Variants in FEM1C observed in about 807,000 individuals in gnomAD.
FEM1C encodes the protein fem-1 homolog C.
FEM1C carries 15 observed loss-of-function variants against 37.6 expected under a neutral mutation model. The observed-to-expected ratio is 0.40, with a 90% CI of 0.27 to 0.61. The LOEUF is 0.61. FEM1C is among the 20% of genes least tolerant of loss of function. FEM1C has a pLI of 0.42. For synonymous variants in FEM1C, 287 were observed against 272.8 expected (o/e 1.05, Z -0.51); for missense variants, 532 against 749.7 (o/e 0.71, Z 3.39).
At chr5:115,539,518 G>C (rs1754197024) in intron 2 of FEM1C, among the ~76,000 whole-genome samples, 1 of 152,040 alleles carries the variant, frequency 6.6e-6, no homozygotes, top group South Asian at 2.1e-4. Context: ...TTAAACTGAA[G>C]AGGTATTCCT....
chr5:115,538,581 T>C (rs1580384564), intron 2 of FEM1C, among the ~76,000 whole-genome samples: 1 of 152,088 alleles, frequency 6.6e-6, no homozygotes, highest in East Asian at 1.9e-4. Flanking sequence ...CACAGTGTTG[T>C]AGTAGAATGC....
At chr5:115,543,859 TAC>T (rs1754296385) in intron 1 of FEM1C, 176 bp from the exon 2 acceptor site, 2 of 983,126 alleles carry the variant, frequency 2.0e-6, no homozygotes, top group African/African-American at 1.8e-5. Flanking sequence ...TACAGAAGGA[TAC>T]ACAGAGACCC....
intron 2 of FEM1C, among the ~76,000 whole-genome samples, chr5:115,530,708 A>C (rs1753997416): frequency 6.6e-6 from 1 of 152,164 alleles, no homozygotes; most frequent in Non-Finnish European, 1.5e-5. Context: ...AGATATCCAA[A>C]ACAAAAAGAT....
At chr5:115,541,786 T>C (rs1561561131) in intron 2 of FEM1C, among the ~76,000 whole-genome samples, 1 of 151,986 alleles carries the variant, frequency 6.6e-6, no homozygotes. Flanking sequence ...TAAATAAAGA[T>C]AAAAAAGTAT....
At chr5:115,543,953 T>C in intron 1 of FEM1C, 1 of 985,388 alleles carries the variant, frequency 1.0e-6, no homozygotes, top group South Asian at 4.7e-5. Context: ...CCTCCAGCTC[T>C]AACCAGCCAA....
intron 2 of FEM1C, among the ~76,000 whole-genome samples, chr5:115,529,316 C>T (rs1753969955): frequency 6.6e-6 from 1 of 151,872 alleles, no homozygotes; most frequent in Non-Finnish European, 1.5e-5. Flanking sequence ...TGGAAGTTAC[C>T]TATAAAAGAG....
intron 2 of FEM1C, among the ~76,000 whole-genome samples, chr5:115,536,754 T>A (rs1345399562): frequency 1.3e-5 from 2 of 152,004 alleles, no homozygotes; most frequent in African/African-American, 2.4e-5. Context: ...CCTCCCTTCA[T>A]TAATTCTTTG....
At chr5:115,538,412 CAT>C (rs2127174086) in intron 2 of FEM1C, among the ~76,000 whole-genome samples, 1 of 152,132 alleles carries the variant, frequency 6.6e-6, no homozygotes, top group African/African-American at 2.4e-5. Flanking sequence ...GCCTATAAAA[CAT>C]AGTGCTTGCC....
In FEM1C at chr5:115,525,107, C is replaced by T. The variant is rs1753862274; in HGVS notation, c.1055G>A (p.Gly352Glu). The T allele has an allele frequency of 6.2e-7, 1 of 1,613,656 alleles. No homozygotes were observed. The highest frequency in any genetic ancestry group is 1.3e-5 in the African/African-American group (1 of 74,880). ...RYRGAVYADS[G>E]NFKRCINLWK... ...TAGGTTGATGCATCGTTTGAAATTT[C>T]CAGAGTCTGCATAGACAGCGCCTCT... Residue 352 changes from glycine (G) to glutamate (E), a missense_variant, in exon 3 of 3, where the codon GGA becomes GAA. Physicochemically the swap from Gly to Glu is moderately conservative, Grantham distance 98. Coordinates refer to ENST00000274457, the MANE Select transcript of FEM1C (RefSeq NM_020177.3).
chr5:115,521,921 T>A lies in FEM1C; in HGVS notation c.*2387A>T, dbSNP rs1753784429. The A allele has an allele frequency of 6.6e-6, 1 of 151,874 alleles. No homozygotes were observed. 9.4% of individuals were successfully genotyped at this position (151,874 alleles called of 1,614,324 possible). ...TTTCAAAACCTCCCAATGGCATTTG[T>A]GGAGATGGCAGAGAAGGGAGAAATG... is the stretch of plus-strand genomic sequence containing the variant. On this transcript the variant is annotated 3_prime_UTR_variant, in exon 3 of 3. Transcript: ENST00000274457.
chr5:115,544,755 G>A lies in FEM1C; in HGVS notation c.-423C>T, dbSNP rs556568974. The A allele has an allele frequency of 2.9e-3, 441 of 152,754 alleles. 2 individuals are homozygous for A. The highest frequency in any genetic ancestry group is 5.1e-3 in the Non-Finnish European group (346 of 68,344). The allele number at this position is 152,754 out of a possible 1,614,324, so 9.5% of individuals were successfully genotyped here. On this transcript the variant is annotated 5_prime_UTR_variant, in exon 1 of 3. Transcript: ENST00000274457. ...CGGCTCGGACTGCAGCGGCTGCAGC[G>A]ACTGCTGCGACGGATGGTGTAATGG...
At chr5:115,541,294 C>A (rs931066366) in intron 2 of FEM1C, among the ~76,000 whole-genome samples, 12 of 151,928 alleles carry the variant, frequency 7.9e-5, no homozygotes, top group African/African-American at 2.9e-4. Context: ...GAAGTATTAT[C>A]CCTGAGTACT....
Position 115,520,993 on chromosome 5 carries a change from T to C in FEM1C, c.*3315A>G, listed in dbSNP as rs1753760701. The C allele has an allele frequency of 6.7e-6, 1 of 149,818 alleles. No homozygotes were observed. The highest frequency in any genetic ancestry group is 2.1e-4 in the South Asian group (1 of 4,796). The allele number at this position is 149,818 out of a possible 1,614,324, so 9.3% of individuals were successfully genotyped here. A position where few individuals can be genotyped will look rare whatever the true frequency, so the allele number is the denominator to read the frequency against. On this transcript the variant is annotated 3_prime_UTR_variant, in exon 3 of 3. Coordinates refer to ENST00000274457, the MANE Select transcript of FEM1C (RefSeq NM_020177.3). Reference sequence around the variant, plus strand: ...TTGTGTGACAATTTATTAGCTGGCATCCGAATACAGTACTTCTTTTGAAAA... The same window carrying C: ...TTGTGTGACAATTTATTAGCTGGCACCCGAATACAGTACTTCTTTTGAAAA...
At position 115,525,612 on chromosome 5, in the gene FEM1C, T is replaced by A; in HGVS notation, c.550A>T (p.Thr184Ser). 1 of 1,610,984 alleles carries A rather than the reference T, an allele frequency of 6.2e-7. No individual in the cohort carries two copies. Among genetic ancestry groups the A allele is most frequent in the Non-Finnish European group, 8.5e-7 (1 of 1,178,340 alleles). Residue 184 changes from threonine (T) to serine (S), a missense_variant, in exon 3 of 3, where the codon ACT (threonine) becomes TCT (serine). By Grantham distance (58) the Thr-to-Ser change is moderately conservative (BLOSUM62 1). This residue lies in a region of FEM1C where 221 missense variants were observed against 404.1 expected (regional missense o/e 0.55). Transcript: ENST00000274457. ...GATTCTGCACAATCATGCAATGCAG[T>A]ATTACCTTAAAGAGAGAGAGAAAAA... ...DVNRKSVKGN[T>S]ALHDCAESGS...
chr5:115,537,155 C>A (rs76722274), intron 2 of FEM1C, among the ~76,000 whole-genome samples: 1 of 152,012 alleles, frequency 6.6e-6, no homozygotes, highest in Non-Finnish European at 1.5e-5. Context: ...CTGGGTCTCT[C>A]CCTATCTCTT....
intron 2 of FEM1C, among the ~76,000 whole-genome samples, chr5:115,529,500 A>T (rs1203876715): frequency 1.3e-5 from 2 of 152,066 alleles, no homozygotes; most frequent in Non-Finnish European, 2.9e-5. Context: ...AAAAGGAAAA[A>T]ATTAAGATAT....
At chr5:115,544,003 T>G (rs1754300143) in intron 1 of FEM1C, 1 of 984,816 alleles carries the variant, frequency 1.0e-6, no homozygotes, top group Non-Finnish European at 1.2e-6. Flanking sequence ...CCAGGGAGAG[T>G]ACAACCGAAA....
At chr5:115,532,636 A>C (rs1420975022) in intron 2 of FEM1C, among the ~76,000 whole-genome samples, 1 of 151,862 alleles carries the variant, frequency 6.6e-6, no homozygotes, top group Non-Finnish European at 1.5e-5. Flanking sequence ...TATAATCAGT[A>C]TATATATAAC....
intron 2 of FEM1C, among the ~76,000 whole-genome samples, chr5:115,538,513 G>A (rs1439216373): frequency 2.0e-5 from 3 of 151,976 alleles, no homozygotes; most frequent in Non-Finnish European, 4.4e-5. Flanking sequence ...CTAATGCATG[G>A]GGTAAAAACA....
Sources: gnomAD v4.1 joint callset for allele counts (sites outside exome capture counted in the v4.1 genomes callset) on GRCh38, gnomAD v4.1.1 for gene constraint, gnomAD v4.1.1 regional missense constraint, MANE v1.5 for transcripts, NCBI Gene and HGNC (gene_info 2026-07-23, HGNC 2026-07-21) for gene names.